Variants in RAI1 observed in about 807,000 individuals in gnomAD.
RAI1 encodes retinoic acid-induced protein 1.
RAI1 carries 9 observed loss-of-function variants against 123.8 expected under a neutral mutation model. The ratio of observed to expected loss-of-function variants is 0.07; its 90% confidence interval spans 0.04 to 0.13. The LOEUF (loss-of-function observed/expected upper bound fraction) is 0.13, where lower values mean the gene tolerates loss of function less well. Among genes scored for constraint, RAI1 ranks in the 10% least tolerant of loss-of-function variants. The probability of loss-of-function intolerance (pLI) is 1.00; values close to 1 mark genes in which losing one functional copy is unlikely to be tolerated. For missense variants in RAI1, 2,256 were observed against 2,545.8 expected, an observed-to-expected ratio of 0.89 and a Z score of 2.45; for synonymous variants, 1,231 against 1,127.3, an observed-to-expected ratio of 1.09 and a Z score of -1.84.
Position 17,793,413 on chromosome 17 carries a change from G to A in RAI1, c.465G>A (p.Arg155=), listed in dbSNP as rs756925284. 5 of 1,613,360 alleles carry A rather than the reference G, an allele frequency of 3.1e-6. 1 individual carries two copies. The South Asian group carries it at 5.5e-5, about 18-fold the overall frequency. The change falls in exon 3 of 6, where the codon AGG becomes AGA. Residue 155 remains arginine (R), a synonymous_variant. Transcript: ENST00000353383. ...LMKKTAVPPS[R]QYAEQGAQVP... is the part of the protein sequence containing the mutation. ...AAAAGACAGCAGTGCCCCCCAGCAGGCAGTATGCAGAGCAGGGCGCCCAGG... is the reference window on the plus strand; with the variant it reads ...AAAAGACAGCAGTGCCCCCCAGCAGACAGTATGCAGAGCAGGGCGCCCAGG...
intron 1 of RAI1, among the ~76,000 whole-genome samples, chr17:17,691,910 G>C (rs1239079793): frequency 6.6e-6 from 1 of 152,172 alleles, no homozygotes; most frequent in Non-Finnish European, 1.5e-5. Context: ...CAGGAAAAAA[G>C]AGCAGAGGAA....
intron 4 of RAI1, among the ~76,000 whole-genome samples, chr17:17,807,882 A>G (rs1480763091): frequency 6.6e-6 from 1 of 152,180 alleles, no homozygotes; most frequent in East Asian, 1.9e-4. Context: ...GCTGGCCCTG[A>G]ATGGCAGTTT....
intron 2 of RAI1, among the ~76,000 whole-genome samples, chr17:17,792,534 G>A (rs764680051): frequency 2.0e-5 from 3 of 147,876 alleles, no homozygotes; most frequent in Non-Finnish European, 4.5e-5. Flanking sequence ...AGGAAGGGCT[G>A]GGAGTGATGG....
chr17:17,682,218 TGG>T (rs1914449869), intron 1 of RAI1, among the ~76,000 whole-genome samples: 1 of 150,182 alleles, frequency 6.7e-6, no homozygotes, highest in Non-Finnish European at 1.5e-5. Context: ...GCGTCCGAGG[TGG>T]GGGACGGGGA....
intron 1 of RAI1, among the ~76,000 whole-genome samples, chr17:17,711,469 G>T (rs1453892983): frequency 1.3e-5 from 2 of 152,184 alleles, no homozygotes; most frequent in African/African-American, 2.4e-5. Flanking sequence ...CCTTTCAGAG[G>T]CAGCCAAGGG....
At chr17:17,688,025 CAAAAAAA>C (rs61049701) in intron 1 of RAI1, among the ~76,000 whole-genome samples, 9 of 90,072 alleles carry the variant, frequency 1.0e-4, no homozygotes, top group African/African-American at 2.9e-4. Context: ...GACTCTGTCT[CAAAAAAA>C]AAAAAAAAAA....
chr17:17,782,051 G>C (rs1466163769), intron 2 of RAI1: 1 of 152,224 alleles, frequency 6.6e-6, no homozygotes, highest in Non-Finnish European at 1.5e-5. Flanking sequence ...AGGGACGACA[G>C]CGCCGGGCTC....
chr17:17,720,289 A>C (rs1210046580), intron 1 of RAI1, among the ~76,000 whole-genome samples: 1 of 152,232 alleles, frequency 6.6e-6, no homozygotes, highest in Non-Finnish European at 1.5e-5. Flanking sequence ...TAGGTTCTCC[A>C]GAACACAGCC....
At chr17:17,753,399 AC>A (rs1261648228) in intron 2 of RAI1, among the ~76,000 whole-genome samples, 1 of 152,032 alleles carries the variant, frequency 6.6e-6, no homozygotes, top group Non-Finnish European at 1.5e-5. Flanking sequence ...CACACCCCTT[AC>A]CCCCATGGCA....
chr17:17,740,711 C>T (rs752641954), intron 2 of RAI1, among the ~76,000 whole-genome samples: 1 of 152,178 alleles, frequency 6.6e-6, no homozygotes, highest in Non-Finnish European at 1.5e-5. Flanking sequence ...GAGGTCCAGG[C>T]AGCAGGAGCC....
intron 4 of RAI1, among the ~76,000 whole-genome samples, chr17:17,808,414 ATTATTTTATTTTATTTTATTTTATT>A (rs71155304): frequency 7.9e-6 from 1 of 125,900 alleles, no homozygotes; most frequent in Non-Finnish European, 1.6e-5. Flanking sequence ...ATTTTATTTT[ATTATTTTATTTTATTTTATTTTATT>A]TTATTTTATT....
At chr17:17,720,788 C>T (rs889484271) in intron 1 of RAI1, among the ~76,000 whole-genome samples, 31 of 152,294 alleles carry the variant, frequency 2.0e-4, no homozygotes, top group African/African-American at 7.5e-4. Flanking sequence ...TCTTGTGACT[C>T]TCCATGATAC....
At chr17:17,763,377 C>T (rs2030786315) in intron 2 of RAI1, among the ~76,000 whole-genome samples, 1 of 152,216 alleles carries the variant, frequency 6.6e-6, no homozygotes, top group Non-Finnish European at 1.5e-5. Flanking sequence ...GCCTGTGTGT[C>T]TCACTCCCTT....
intron 2 of RAI1, among the ~76,000 whole-genome samples, chr17:17,757,593 G>A (rs1360944836): frequency 3.9e-5 from 6 of 151,914 alleles, no homozygotes; most frequent in Non-Finnish European, 5.9e-5. Flanking sequence ...CGTGGCTGCC[G>A]CCTCTTCTCG....
At chr17:17,772,177 C>T (rs1361178860) in intron 2 of RAI1, among the ~76,000 whole-genome samples, 3 of 152,208 alleles carry the variant, frequency 2.0e-5, no homozygotes, top group Non-Finnish European at 1.5e-5. Context: ...GGATTCCTAA[C>T]TGGTGCTTAG....
Position 17,809,553 on chromosome 17 carries a change from C to A in RAI1, c.5709+114C>A. On this transcript the variant is annotated intron_variant, in intron 5 of 5. Transcript: ENST00000353383. This position sits in a 1 kb window ranked among gnomAD's most constrained non-coding sequence, Gnocchi z 4.9. ...CTTGGCTGCGCAGCCCCGCAGGGCCCAGCCCTAGGGGAGGGAGCTCTCCCC... is the reference window on the plus strand; with the variant it reads ...CTTGGCTGCGCAGCCCCGCAGGGCCAAGCCCTAGGGGAGGGAGCTCTCCCC... The A allele has an allele frequency of 8.3e-7, 1 of 1,208,096 alleles. No homozygotes were observed. 74.8% of individuals were successfully genotyped at this position (1,208,096 alleles called of 1,614,324 possible). A position where few individuals can be genotyped will look rare whatever the true frequency, so the allele number is the denominator to read the frequency against.
chr17:17,795,945 G>A lies in RAI1; in HGVS notation c.2997G>A (p.Arg999=). The change falls in exon 3 of 6, where the codon CGG becomes CGA. Residue 999 remains arginine (R), a synonymous_variant. Coordinates refer to ENST00000353383, the MANE Select transcript of RAI1 (RefSeq NM_030665.4). The surrounding 1 kb of genome is among the most constrained non-coding windows in gnomAD (Gnocchi z 5.9). ...KEPVPRGKSL[R]SRRVHRGLPE... ...CTGTGCCACGGGGCAAAAGCTTACG[G>A]AGCCGTCGGGTGCACCGGGGGCTGC... 6.2e-7 allele frequency: 1 copy of A among 1,606,964 alleles called. No individual in the cohort carries two copies.
At chr17:17,697,524 A>G (rs756884145) in intron 1 of RAI1, among the ~76,000 whole-genome samples, 9 of 152,288 alleles carry the variant, frequency 5.9e-5, no homozygotes, top group Non-Finnish European at 1.2e-4. Flanking sequence ...ACCTGTATCC[A>G]GGAGGCAGCC....
intron 2 of RAI1, among the ~76,000 whole-genome samples, chr17:17,756,197 A>ATT (rs765341751): frequency 0.016 from 2,271 of 143,362 alleles, 64 homozygotes; most frequent in African/African-American, 0.055. Context: ...GAGTGAATGA[A>ATT]TTTTTTTTTT....
Sources: allele counts gnomAD v4.1 joint callset (sites outside exome capture counted in the v4.1 genomes callset), GRCh38; gene constraint gnomAD v4.1.1; non-coding constraint Gnocchi (gnomAD v3.1); transcripts MANE v1.5; gene names NCBI Gene and HGNC (gene_info 2026-07-23, HGNC 2026-07-21).